Variants in SMC4 observed in about 807,000 individuals in gnomAD.
The protein encoded by SMC4 is structural maintenance of chromosomes protein 4.
A neutral mutation model predicts 145.6 loss-of-function variants in SMC4; 87 were observed. That is an observed-to-expected ratio of 0.60 (90% confidence interval 0.50 to 0.71). The LOEUF (loss-of-function observed/expected upper bound fraction) is 0.71. Ranked by LOEUF, SMC4 falls within the 30% of genes least tolerant of loss-of-function variation. The pLI, the probability that SMC4 is intolerant of heterozygous loss-of-function variation, is 0.00. For missense variants in SMC4, 1,447 were observed against 1,537.1 expected, an observed-to-expected ratio of 0.94 and a Z score of 0.98; for synonymous variants, 558 against 500.7, an observed-to-expected ratio of 1.11 and a Z score of -1.53.
chr3:160,429,667 TAGA>T (rs1216010229), intron 18 of SMC4, among the ~76,000 whole-genome samples: 1 of 149,568 alleles, frequency 6.7e-6, no homozygotes, highest in African/African-American at 2.5e-5. Context: ...TTTAAATACC[TAGA>T]AGATTTCATT....
intron 16 of SMC4, 144 bp downstream of exon 16, chr3:160,425,163 A>G (rs1392662397): frequency 3.1e-6 from 4 of 1,283,590 alleles, no homozygotes; most frequent in Admixed American, 3.1e-5. Flanking sequence ...ATAACTCTTG[A>G]TGATTTTGTT....
At chr3:160,415,786 T>C (rs1716515422) in intron 9 of SMC4, among the ~76,000 whole-genome samples, 1 of 152,202 alleles carries the variant, frequency 6.6e-6, no homozygotes, top group South Asian at 2.1e-4. Context: ...TATCAGAAGA[T>C]GTTAATGGAG....
At chr3:160,404,833 C>T in intron 5 of SMC4, 2 of 507,490 alleles carry the variant, frequency 3.9e-6, no homozygotes, top group South Asian at 1.5e-5. Context: ...GACAGGGATA[C>T]AGCAACTATT....
In SMC4 at chr3:160,412,315, A is replaced by C. The variant is rs200621769; in HGVS notation, c.853-11A>C. 1 of 1,583,446 alleles carries C rather than the reference A, an allele frequency of 6.3e-7. No individual in the cohort carries two copies. Among genetic ancestry groups the C allele is most frequent in the East Asian group, 2.2e-5 (1 of 44,624 alleles). ...GTGTGTATTCAGTCTTTAAACTTTTAATTTCTGTAGTTAAACAGGGTAAAG... is the reference window on the plus strand; with the variant it reads ...GTGTGTATTCAGTCTTTAAACTTTTCATTTCTGTAGTTAAACAGGGTAAAG... On this transcript the variant is annotated splice_polypyrimidine_tract_variant and intron_variant, in intron 6 of 23. Coordinates refer to ENST00000357388, the MANE Select transcript of SMC4 (RefSeq NM_001002800.3).
chr3:160,431,516 A>G (rs919316306), intron 20 of SMC4, 127 bp from the exon 21 acceptor site: 3 of 771,914 alleles, frequency 3.9e-6, no homozygotes, highest in East Asian at 2.7e-5. Flanking sequence ...CCTTTGAAAA[A>G]TAATTGATAA....
At chr3:160,407,649 C>CT (rs1391518767) in intron 5 of SMC4, among the ~76,000 whole-genome samples, 1 of 150,540 alleles carries the variant, frequency 6.6e-6, no homozygotes, top group South Asian at 2.1e-4. Flanking sequence ...GCCATCTGTT[C>CT]TTTTTTCCAA....
rs1718774533 is a variant in SMC4, at chr3:160,434,501, T to A, written c.*692T>A. The stretch of plus-strand genomic sequence containing the variant: ...AATTTACAAATTTTCAACTTTATGA[T>A]AGGTTTATCCGGGTACTAAATGCAT... On this transcript the variant is annotated 3_prime_UTR_variant, in exon 24 of 24. Coordinates refer to ENST00000357388, the MANE Select transcript of SMC4 (RefSeq NM_001002800.3). 6.6e-6 allele frequency: 1 copy of A among 152,230 alleles called. No homozygotes were observed. 9.4% of individuals were successfully genotyped at this position (152,230 alleles called of 1,614,324 possible).
intron 5 of SMC4, among the ~76,000 whole-genome samples, chr3:160,406,243 AT>A (rs1222110302): frequency 6.6e-6 from 1 of 152,134 alleles, no homozygotes; most frequent in African/African-American, 2.4e-5. Flanking sequence ...ACAAAGGTGA[AT>A]GTTCCAAGTT....
intron 2 of SMC4, among the ~76,000 whole-genome samples, chr3:160,401,287 C>T (rs1204164887): frequency 6.6e-6 from 1 of 151,946 alleles, no homozygotes. Flanking sequence ...GACGGTCAAT[C>T]AAGAGAGCAA....
Position 160,431,799 on chromosome 3 carries a change from G to T in SMC4, c.3271G>T (p.Gly1091Cys), listed in dbSNP as rs200445610. The T allele has an allele frequency of 5.0e-5, 80 of 1,613,444 alleles. No homozygotes were observed. The highest frequency in any genetic ancestry group is 5.0e-4 in the Middle Eastern group (3 of 6,058). Residue 1091 changes from glycine (G) to cysteine (C), a missense_variant, in exon 21 of 24, where the codon GGT (glycine) becomes TGT (cysteine). Transcript: ENST00000357388. ...GTGTCATGAAATGAAACCAAACCTC[G>T]GTGCCATCGCAGAGTATAAAAAGAA... ...ARCHEMKPNL[G>C]AIAEYKKKEE...
intron 12 of SMC4, among the ~76,000 whole-genome samples, chr3:160,419,794 T>C (rs768226646): frequency 2.2e-4 from 33 of 152,096 alleles, no homozygotes; most frequent in Non-Finnish European, 3.8e-4. Context: ...TTAAAACCAT[T>C]TTATCCTTTT....
chr3:160,423,683 T>G, intron 14 of SMC4, 33 bp downstream of exon 14: 1 of 1,598,380 alleles, frequency 6.3e-7, no homozygotes, highest in Non-Finnish European at 8.5e-7. Context: ...GTTTGTTTTT[T>G]TTTCCCCCCA....
At chr3:160,432,250 G>A (rs772904456) in intron 21 of SMC4, 33 bp from the exon 22 acceptor site, 38 of 1,415,090 alleles carry the variant, frequency 2.7e-5, no homozygotes, top group Non-Finnish European at 3.4e-5. Flanking sequence ...AAATTTATCT[G>A]AATAGATTTT....
At chr3:160,404,597 T>TA in intron 5 of SMC4, 93 bp downstream of exon 5, 1 of 1,079,098 alleles carries the variant, frequency 9.3e-7, no homozygotes, top group Non-Finnish European at 1.4e-6. Flanking sequence ...TTTGAGGCCT[T>TA]AAAGTACTGT....
At chr3:160,401,890 T>TTTTCC in intron 2 of SMC4, 25 bp from the exon 3 acceptor site, 1 of 1,558,496 alleles carries the variant, frequency 6.4e-7, no homozygotes, top group Non-Finnish European at 8.6e-7. Context: ...TTTGCCTTCG[T>TTTTCC]TTTCCTTTCC....
chr3:160,406,872 A>G (rs979421421), intron 5 of SMC4, among the ~76,000 whole-genome samples: 11 of 152,200 alleles, frequency 7.2e-5, no homozygotes, highest in African/African-American at 2.7e-4. Flanking sequence ...TAAGATGGCT[A>G]AACCTTATTT....
intron 10 of SMC4, among the ~76,000 whole-genome samples, chr3:160,416,911 A>G (rs1403747875): frequency 1.3e-5 from 2 of 152,162 alleles, no homozygotes; most frequent in African/African-American, 4.8e-5. Flanking sequence ...GAGAAAGAAT[A>G]TATCTACTTT....
At chr3:160,405,455 T>C (rs1191086085) in intron 5 of SMC4, among the ~76,000 whole-genome samples, 4 of 152,072 alleles carry the variant, frequency 2.6e-5, no homozygotes, top group African/African-American at 9.6e-5. Flanking sequence ...CAGAAATGAC[T>C]GAAATAAGTA....
At chr3:160,413,165 G>T (rs1437062943) in intron 7 of SMC4, among the ~76,000 whole-genome samples, 1 of 151,272 alleles carries the variant, frequency 6.6e-6, no homozygotes, top group Non-Finnish European at 1.5e-5. Flanking sequence ...TCTTTTTTTG[G>T]TAGAGATGGG....
Sources: allele counts gnomAD v4.1 joint callset (sites outside exome capture counted in the v4.1 genomes callset), GRCh38; gene constraint gnomAD v4.1.1; transcripts MANE v1.5; gene names NCBI Gene and HGNC (gene_info 2026-07-23, HGNC 2026-07-21).